Variants in ADAM29 observed in about 807,000 individuals in gnomAD.
ADAM29 encodes ADAM metallopeptidase domain 29.
For synonymous variants in ADAM29, 367 were observed against 342.3 expected (o/e 1.07, Z -0.80); for missense variants, 969 against 1,001.8 (o/e 0.97, Z 0.44).
chr4:174,977,599 T>C lies in ADAM29; in HGVS notation c.2074T>C (p.Cys692Arg). 1.2e-6 allele frequency: 2 copies of C among 1,613,864 alleles called. No individual in the cohort carries two copies. Among genetic ancestry groups the C allele is most frequent in the Non-Finnish European group, 1.7e-6 (2 of 1,179,906 alleles). The change falls in exon 5 of 5, where the codon TGT becomes CGT. Residue 692 changes from cysteine (C) to arginine (R), a missense_variant. Transcript: ENST00000359240. The stretch of plus-strand genomic sequence containing the variant: ...GCTTATTGTTTTGTTTATTTTATTA[T>C]GTTGTCTTTATCGACTTTGTAAAAA... ...LLLIVLFILL[C>R]CLYRLCKKSK...
chr4:174,942,052 C>T (rs542055942), intron 4 of ADAM29, among the ~76,000 whole-genome samples: 22 of 152,292 alleles, frequency 1.4e-4, no homozygotes, highest in Admixed American at 1.4e-3. Context: ...AAATGATCTC[C>T]TTTGACTTCA....
intron 3 of ADAM29, among the ~76,000 whole-genome samples, chr4:174,935,544 C>A (rs1313920905): frequency 6.6e-6 from 1 of 151,904 alleles, no homozygotes; most frequent in Non-Finnish European, 1.5e-5. Context: ...TTTTGTTTTG[C>A]CTTTTTCTGC....
chr4:174,923,523 ATG>A (rs879750030), intron 2 of ADAM29, among the ~76,000 whole-genome samples: 1,474 of 91,688 alleles, frequency 0.016, 65 homozygotes, highest in African/African-American at 0.056. Flanking sequence ...TGTGCATTAT[ATG>A]TATATATATA....
In ADAM29 at chr4:174,976,602, C is replaced by A; in HGVS notation, c.1077C>A (p.Gly359=). ...AACCTAGATGCATAATGCATGAAGGCAACCCACCAATAACTAAATTTAGCA... is the reference window on the plus strand; with the variant it reads ...AACCTAGATGCATAATGCATGAAGGAAACCCACCAATAACTAAATTTAGCA... ...CSQPRCIMHE[G]NPPITKFSNC... Residue 359 remains glycine, a synonymous_variant, in exon 5 of 5, where the codon GGC becomes GGA. Coordinates refer to ENST00000359240, the MANE Select transcript of ADAM29 (RefSeq NM_014269.4). 2 of 1,606,516 alleles carry A rather than the reference C, an allele frequency of 1.2e-6. No homozygotes were observed. The highest frequency in any genetic ancestry group is 2.2e-5 in the East Asian group (1 of 44,850).
intron 1 of ADAM29, among the ~76,000 whole-genome samples, chr4:174,919,408 G>A (rs183365606): frequency 7.2e-5 from 11 of 152,202 alleles, no homozygotes; most frequent in African/African-American, 2.2e-4. Flanking sequence ...AGAGTTAGGC[G>A]CAAAAAGCAA....
chr4:174,941,976 A>T (rs1302412237), intron 4 of ADAM29, among the ~76,000 whole-genome samples: 1 of 152,228 alleles, frequency 6.6e-6, no homozygotes, highest in Non-Finnish European at 1.5e-5. Context: ...TGGCCAAAAC[A>T]AAGAGGCTAC....
At chr4:174,942,062 A>G (rs776779799) in intron 4 of ADAM29, among the ~76,000 whole-genome samples, 3 of 152,184 alleles carry the variant, frequency 2.0e-5, no homozygotes, top group Non-Finnish European at 4.4e-5. Context: ...CTTTGACTTC[A>G]TGTCTCACAT....
In ADAM29 at chr4:174,976,979, T is replaced by A; in HGVS notation, c.1454T>A (p.Ile485Asn). The part of the protein sequence containing the change: ...CPDDFYVEDG[I>N]PCKERGYCYE... The stretch of plus-strand genomic sequence containing the variant: ...GATGACTTTTATGTGGAAGATGGAA[T>A]TCCCTGTAAGGAGAGGGGCTACTGC... Residue 485 changes from isoleucine (I) to asparagine (N), a missense_variant, in exon 5 of 5, where the codon ATT (isoleucine) becomes AAT (asparagine). Physicochemically the swap from Ile to Asn is moderately radical, Grantham distance 149 (BLOSUM62 -3). Coordinates refer to ENST00000359240, the MANE Select transcript of ADAM29 (RefSeq NM_014269.4). 1 of 1,614,132 alleles carries A rather than the reference T, an allele frequency of 6.2e-7. No individual in the cohort carries two copies. The highest frequency in any genetic ancestry group is 1.1e-5 in the South Asian group (1 of 91,068).
intron 4 of ADAM29, among the ~76,000 whole-genome samples, chr4:174,966,650 G>A (rs191434141): frequency 1.2e-4 from 18 of 152,228 alleles, no homozygotes; most frequent in Admixed American, 1.2e-3. Context: ...CAGAACCACT[G>A]GGGCAGCACT....
chr4:174,941,815 C>T (rs920744617), intron 4 of ADAM29, among the ~76,000 whole-genome samples: 24 of 151,988 alleles, frequency 1.6e-4, no homozygotes, highest in Non-Finnish European at 2.8e-4. Context: ...CTCATTCCAG[C>T]GTAACTCAAA....
chr4:174,970,810 T>G (rs571911347), intron 4 of ADAM29, among the ~76,000 whole-genome samples: 77 of 152,328 alleles, frequency 5.1e-4, no homozygotes, highest in Non-Finnish European at 4.4e-5. Flanking sequence ...ATTTTATTTC[T>G]GTGGCATCTG....
chr4:174,976,254 G>A lies in ADAM29; in HGVS notation c.729G>A (p.Val243=), dbSNP rs1170931103. The change falls in exon 5 of 5, where the codon GTG becomes GTA. Residue 243 remains valine, a synonymous_variant. Coordinates refer to ENST00000359240, the MANE Select transcript of ADAM29 (RefSeq NM_014269.4). ...TTTTGGATGTCATTGGTGTTAAGGT[G>A]TTATTATTTGGTTTGGAGATCTGGA... ...DSILDVIGVK[V]LLFGLEIWTN... The A allele has an allele frequency of 6.2e-7, 1 of 1,608,416 alleles. No individual in the cohort carries two copies. Among genetic ancestry groups the A allele is most frequent in the African/African-American group, 1.3e-5 (1 of 74,628 alleles).
intron 4 of ADAM29, among the ~76,000 whole-genome samples, chr4:174,950,213 A>G (rs996585343): frequency 3.3e-5 from 5 of 152,250 alleles, no homozygotes; most frequent in South Asian, 4.1e-4. Context: ...TTTAAATATC[A>G]TTTATATGTT....
chr4:174,950,114 A>T (rs1032119917), intron 4 of ADAM29, among the ~76,000 whole-genome samples: 3 of 152,312 alleles, frequency 2.0e-5, no homozygotes, highest in Non-Finnish European at 4.4e-5. Flanking sequence ...TAAAATAAGT[A>T]AAAGTATTGA....
At chr4:174,952,631 G>GA (rs910455514) in intron 4 of ADAM29, among the ~76,000 whole-genome samples, 5 of 151,968 alleles carry the variant, frequency 3.3e-5, no homozygotes, top group African/African-American at 9.7e-5. Flanking sequence ...ATTTGAGAGA[G>GA]AAAAAAAGTG....
intron 2 of ADAM29, among the ~76,000 whole-genome samples, chr4:174,924,619 G>A (rs1202182990): frequency 2.0e-5 from 3 of 152,094 alleles, no homozygotes; most frequent in African/African-American, 7.2e-5. Context: ...AATGGATACT[G>A]TTTAGTGATA....
rs1252300898 is a variant in ADAM29 at position 174,976,353 on chromosome 4, C to T, written c.828C>T (p.Asn276=). 1 of 1,607,832 alleles carries T rather than the reference C, an allele frequency of 6.2e-7. No individual in the cohort carries two copies. ...VHLYCKWKSE[N]ITPRMQHDTS... ...TGTATTGCAAGTGGAAGTCGGAGAA[C>T]ATTACGCCCCGGATGCAACATGACA... The change falls in exon 5 of 5, where the codon AAC becomes AAT. Residue 276 remains asparagine (N), a synonymous_variant. Coordinates refer to ENST00000359240, the MANE Select transcript of ADAM29 (RefSeq NM_014269.4).
At chr4:174,975,243 T>C (rs1252000544) in intron 4 of ADAM29, 103 bp from the exon 5 acceptor site, 1 of 294,340 alleles carries the variant, frequency 3.4e-6, no homozygotes, top group Non-Finnish European at 6.2e-6. Context: ...ACTAATCACT[T>C]TTATCTCATG....
rs561811409 is a variant in ADAM29, at chr4:174,976,349, A to G, written c.824A>G (p.Glu275Gly). ...SVHLYCKWKS[E>G]NITPRMQHDT... ...CACCTGTATTGCAAGTGGAAGTCGG[A>G]GAACATTACGCCCCGGATGCAACAT... The change falls in exon 5 of 5, where the codon GAG becomes GGG. Residue 275 changes from glutamate (E) to glycine (G), a missense_variant. Coordinates refer to ENST00000359240, the MANE Select transcript of ADAM29 (RefSeq NM_014269.4). 9.3e-6 allele frequency: 15 copies of G among 1,609,332 alleles called. No individual in the cohort carries two copies. Among genetic ancestry groups the G allele is most frequent in the Middle Eastern group, 1.7e-4 (1 of 6,014 alleles).
Sources: gnomAD v4.1 joint callset for allele counts (sites outside exome capture counted in the v4.1 genomes callset) on GRCh38, gnomAD v4.1.1 for gene constraint, MANE v1.5 for transcripts, NCBI Gene and HGNC (gene_info 2026-07-23, HGNC 2026-07-21) for gene names.